ATP2A2: variants seen among roughly 807,000 people sequenced by gnomAD.
The protein encoded by ATP2A2 is sarcoplasmic/endoplasmic reticulum calcium ATPase 2.
Under a neutral mutation model 109.3 loss-of-function variants are expected in ATP2A2, and 14 were observed. That is an observed-to-expected ratio of 0.13 (90% CI 0.08 to 0.20). The LOEUF is 0.20. Ranked by LOEUF, ATP2A2 falls within the 10% of genes least tolerant of loss-of-function variation. The pLI, the probability that ATP2A2 is intolerant of heterozygous loss-of-function variation, is 1.00. For synonymous variants in ATP2A2, 506 were observed against 490.9 expected (o/e 1.03, Z -0.41); for missense variants, 657 against 1,321.6 (o/e 0.50, Z 7.80).
rs998131419 is a variant in ATP2A2 at position 110,290,006 on chromosome 12, C to T, written c.220-2014C>T. 5.9e-5 allele frequency among the ~76,000 whole-genome samples: 9 copies of T among 152,200 alleles called. No individual in the cohort carries two copies. In the East Asian group the frequency reaches 9.6e-4, roughly 16 times the overall value. On this transcript the variant is annotated intron_variant, in intron 3 of 19. Transcript: ENST00000539276. ...TTGTATGAGCTAAAAGTTTAAACCTCTGCCCCATTTTCTTGGGGCAGTGTT... is the reference window on the plus strand; with the variant it reads ...TTGTATGAGCTAAAAGTTTAAACCTTTGCCCCATTTTCTTGGGGCAGTGTT...
At chr12:110,285,500 G>T (rs1872569446) in intron 3 of ATP2A2, among the ~76,000 whole-genome samples, 1 of 152,030 alleles carries the variant, frequency 6.6e-6, no homozygotes, top group South Asian at 2.1e-4. Context: ...ACAGACACTG[G>T]GGATACAGTA....
intron 3 of ATP2A2, among the ~76,000 whole-genome samples, chr12:110,288,529 C>G (rs926203256): frequency 2.0e-5 from 3 of 151,958 alleles, no homozygotes; most frequent in African/African-American, 7.3e-5. Context: ...CTCAGCTTCC[C>G]CAGTAGCTGG....
intron 5 of ATP2A2, among the ~76,000 whole-genome samples, chr12:110,315,637 G>A (rs185124848): frequency 1.3e-5 from 2 of 152,152 alleles, no homozygotes; most frequent in African/African-American, 2.4e-5. Flanking sequence ...GCAGTATAGC[G>A]TATCCTAAAA....
rs1474805622 is a variant in ATP2A2 at position 110,348,311 on chromosome 12, C to T, written c.*1841C>T. 1 of 985,036 alleles carries T rather than the reference C, an allele frequency of 1.0e-6. No homozygotes were observed. Among genetic ancestry groups the T allele is most frequent in the Non-Finnish European group, 1.2e-6 (1 of 829,934 alleles). 61.0% of individuals were successfully genotyped at this position (985,036 alleles called of 1,614,324 possible). A position where few individuals can be genotyped will look rare whatever the true frequency, so the allele number is the denominator to read the frequency against. ...TGTCCTTGGTGGCTAAGACTTAGCT[C>T]TGCAGGGGATGTTAAAGCACAGTTA... On this transcript the variant is annotated 3_prime_UTR_variant, in exon 20 of 20. Transcript: ENST00000539276.
intron 5 of ATP2A2, among the ~76,000 whole-genome samples, chr12:110,315,895 C>T (rs1021489662): frequency 6.6e-5 from 10 of 152,088 alleles, no homozygotes; most frequent in Non-Finnish European, 1.3e-4. Flanking sequence ...GCTGAGATCA[C>T]GCCACTGTGC....
chr12:110,328,461 C>A (rs980375010), intron 8 of ATP2A2, among the ~76,000 whole-genome samples: 2 of 152,048 alleles, frequency 1.3e-5, no homozygotes, highest in African/African-American at 4.8e-5. Flanking sequence ...CCCAGCTACT[C>A]GAGAGGCTGA....
intron 5 of ATP2A2, among the ~76,000 whole-genome samples, chr12:110,302,681 C>T (rs1395471797): frequency 1.3e-5 from 2 of 152,018 alleles, no homozygotes; most frequent in Non-Finnish European, 2.9e-5. Context: ...TTCACTGCAA[C>T]CTCTGCCTGC....
chr12:110,282,276 T>C (rs1872198874), intron 1 of ATP2A2, among the ~76,000 whole-genome samples: 1 of 152,212 alleles, frequency 6.6e-6, no homozygotes, highest in Non-Finnish European at 1.5e-5. Flanking sequence ...CCTCTGACCG[T>C]TCTTGTCCTA....
At chr12:110,319,652 T>C (rs573136305) in intron 5 of ATP2A2, among the ~76,000 whole-genome samples, 14 of 148,840 alleles carry the variant, frequency 9.4e-5, no homozygotes, top group Admixed American at 4.0e-4. Context: ...ATACTATATA[T>C]AATAAATCTA....
intron 11 of ATP2A2, among the ~76,000 whole-genome samples, chr12:110,335,931 C>T (rs1270847984): frequency 3.9e-5 from 6 of 152,228 alleles, no homozygotes; most frequent in Non-Finnish European, 8.8e-5. Context: ...AGGGTGATTG[C>T]TTGTTGGGCA....
Position 110,348,272 on chromosome 12 carries a change from C to A in ATP2A2, c.*1802C>A, listed in dbSNP as rs367953918. ...GGCCACTTCCCCACTCCCCCACCCCCCCTTGCTTGGTCTTGTCCTTGGTGG... is the reference window on the plus strand; with the variant it reads ...GGCCACTTCCCCACTCCCCCACCCCACCTTGCTTGGTCTTGTCCTTGGTGG... On this transcript the variant is annotated 3_prime_UTR_variant, in exon 20 of 20. Coordinates refer to ENST00000539276, the MANE Select transcript of ATP2A2 (RefSeq NM_170665.4). The A allele has an allele frequency of 5.1e-5, 50 of 985,444 alleles. No individual in the cohort carries two copies. In the Admixed American group the frequency reaches 7.4e-4, roughly 15 times the overall value. 61.0% of individuals were successfully genotyped at this position (985,444 alleles called of 1,614,324 possible).
chr12:110,304,186 T>G (rs1198255220), intron 5 of ATP2A2, among the ~76,000 whole-genome samples: 1 of 152,352 alleles, frequency 6.6e-6, no homozygotes, highest in Middle Eastern at 3.4e-3. Flanking sequence ...TTGATGGACA[T>G]TTGGGTTGTT....
At chr12:110,292,165 T>C (rs374385098) in intron 4 of ATP2A2, 41 bp downstream of exon 4, 14 of 1,377,478 alleles carry the variant, frequency 1.0e-5, no homozygotes, top group Non-Finnish European at 1.3e-5. Flanking sequence ...CAATAAGTTA[T>C]GTAAGTGATT....
chr12:110,308,646 C>T (rs771126745), intron 5 of ATP2A2, among the ~76,000 whole-genome samples: 2 of 152,156 alleles, frequency 1.3e-5, no homozygotes, highest in African/African-American at 4.8e-5. Flanking sequence ...TTTTAAACTT[C>T]CACCTCTTTT....
At chr12:110,301,384 T>G (rs1874620537) in intron 5 of ATP2A2, among the ~76,000 whole-genome samples, 2 of 152,272 alleles carry the variant, frequency 1.3e-5, no homozygotes. Flanking sequence ...CTTTGAATCC[T>G]GATTCTTGCC....
At chr12:110,298,274 A>G (rs191451979) in intron 5 of ATP2A2, among the ~76,000 whole-genome samples, 230 of 152,332 alleles carry the variant, frequency 1.5e-3, no homozygotes, top group Non-Finnish European at 2.8e-3. Flanking sequence ...AAAAAAGGAT[A>G]GTGTTACATA....
chr12:110,313,459 C>G (rs1876321336), intron 5 of ATP2A2, among the ~76,000 whole-genome samples: 1 of 151,112 alleles, frequency 6.6e-6, no homozygotes, highest in South Asian at 2.1e-4. Flanking sequence ...ACTACAGGCA[C>G]CCACCACAAT....
rs866323136 is a variant in ATP2A2, at chr12:110,281,261, C to T, written c.-529C>T. 3 of 151,408 alleles carry T rather than the reference C, an allele frequency of 2.0e-5. No homozygotes were observed. Among genetic ancestry groups the T allele is most frequent in the Non-Finnish European group, 4.4e-5 (3 of 67,792 alleles). The allele number at this position is 151,408 out of a possible 1,614,324, so 9.4% of individuals were successfully genotyped here. A position where few individuals can be genotyped will look rare whatever the true frequency, so the allele number is the denominator to read the frequency against. ...CGATAAATGCTATTAGAGCAGCCGC[C>T]GCGGAGCCGTCCCCGACGCCACCTC... is the stretch of plus-strand genomic sequence containing the variant. On this transcript the variant is annotated 5_prime_UTR_variant, in exon 1 of 20. Coordinates refer to ENST00000539276, the MANE Select transcript of ATP2A2 (RefSeq NM_170665.4).
chr12:110,281,952 G>A, intron 1 of ATP2A2, 45 bp downstream of exon 1: 1 of 1,491,816 alleles, frequency 6.7e-7, no homozygotes, highest in Non-Finnish European at 9.0e-7. Context: ...GCGGCCGGGA[G>A]AGCCAGGGAA....
Sources: gnomAD v4.1 joint callset for allele counts (sites outside exome capture counted in the v4.1 genomes callset) on GRCh38, gnomAD v4.1.1 for gene constraint, MANE v1.5 for transcripts, NCBI Gene and HGNC (gene_info 2026-07-23, HGNC 2026-07-21) for gene names.